GFRA2: variants seen among roughly 807,000 people sequenced by gnomAD.
GFRA2 encodes the protein GDNF family receptor alpha-2.
GFRA2 carries 17 observed loss-of-function variants against 48.3 expected under a neutral mutation model. That is an observed-to-expected ratio of 0.35 (90% CI 0.24 to 0.53). The LOEUF (loss-of-function observed/expected upper bound fraction) is 0.53. Among genes scored for constraint, GFRA2 ranks in the 20% least tolerant of loss-of-function variants. GFRA2 has a pLI of 0.93. For synonymous variants in GFRA2, 305 were observed against 257.2 expected (o/e 1.19, Z -1.78); for missense variants, 660 against 637.3 (o/e 1.04, Z -0.38).
At chr8:21,767,429 G>C (rs1408130144) in intron 3 of GFRA2, among the ~76,000 whole-genome samples, 1 of 152,230 alleles carries the variant, frequency 6.6e-6, no homozygotes, top group East Asian at 1.9e-4. Context: ...CTCTCCCGCT[G>C]TTCCTCACCG....
At chr8:21,776,780 T>A (rs1350251671) in intron 2 of GFRA2, among the ~76,000 whole-genome samples, 1 of 152,028 alleles carries the variant, frequency 6.6e-6, no homozygotes, top group Non-Finnish European at 1.5e-5. Flanking sequence ...CAAGACGCAT[T>A]ATTTACGGCC....
intron 4 of GFRA2, among the ~76,000 whole-genome samples, chr8:21,707,282 G>A (rs1393276354): frequency 2.0e-5 from 3 of 152,264 alleles, no homozygotes; most frequent in East Asian, 1.9e-4. Context: ...AGCCATCTCC[G>A]AGTTCACCAC....
chr8:21,754,877 AG>A (rs1805493496), intron 3 of GFRA2, among the ~76,000 whole-genome samples: 1 of 152,146 alleles, frequency 6.6e-6, no homozygotes, highest in Non-Finnish European at 1.5e-5. Flanking sequence ...AAAAGAGGGG[AG>A]GGTACATCCA....
chr8:21,765,106 ATTTT>A (rs1468857307), intron 3 of GFRA2, among the ~76,000 whole-genome samples: 1 of 145,240 alleles, frequency 6.9e-6, no homozygotes, highest in Non-Finnish European at 1.5e-5. Context: ...CTTTCTTTTT[ATTTT>A]TTATTTATTT....
At chr8:21,779,413 GC>G (rs74506754) in intron 2 of GFRA2, 7,323 of 152,054 alleles carry the variant, frequency 0.048, 272 homozygotes, top group African/African-American at 0.095. Flanking sequence ...AGGCCCAAGT[GC>G]CCCCCCGGCT....
At chr8:21,724,091 A>G (rs1329274472) in intron 4 of GFRA2, among the ~76,000 whole-genome samples, 1 of 152,154 alleles carries the variant, frequency 6.6e-6, no homozygotes, top group Non-Finnish European at 1.5e-5. Context: ...AGAGCCACAG[A>G]ATCTGCAGGG....
chr8:21,788,713 G>A lies in GFRA2; in HGVS notation c.-554C>T, dbSNP rs1807411216. 9 of 984,098 alleles carry A rather than the reference G, an allele frequency of 9.1e-6. No homozygotes were observed. Among genetic ancestry groups the A allele is most frequent in the African/African-American group, 8.7e-5 (5 of 57,328 alleles). The allele number at this position is 984,098 out of a possible 1,614,324, so 61.0% of individuals were successfully genotyped here. A position where few individuals can be genotyped will look rare whatever the true frequency, so the allele number is the denominator to read the frequency against. On this transcript the variant is annotated 5_prime_UTR_variant, in exon 1 of 9. Transcript: ENST00000524240. ...GTCGCTTCTTTCGCACCAAGACGAA[G>A]ACAAGATTCAAAAAAATCTTCTCCC...
At chr8:21,787,260 CG>C (rs1392852698) in intron 1 of GFRA2, among the ~76,000 whole-genome samples, 1 of 61,308 alleles carries the variant, frequency 1.6e-5, no homozygotes, top group Admixed American at 1.9e-4. Flanking sequence ...GTCTTGGAGG[CG>C]GCGGGGGGGG....
At chr8:21,748,604 G>C (rs967014914) in intron 4 of GFRA2, among the ~76,000 whole-genome samples, 2 of 152,154 alleles carry the variant, frequency 1.3e-5, no homozygotes, top group East Asian at 1.9e-4. Context: ...GCTGGAATCC[G>C]ACTCTGAAAT....
chr8:21,747,825 C>T (rs1182253379), intron 4 of GFRA2, among the ~76,000 whole-genome samples: 1 of 151,936 alleles, frequency 6.6e-6, no homozygotes, highest in Non-Finnish European at 1.5e-5. Context: ...TAAACATGCA[C>T]ATGCACACAG....
intron 1 of GFRA2, 93 bp from the exon 2 acceptor site, chr8:21,782,992 C>T (rs1036809041): frequency 3.7e-5 from 46 of 1,228,718 alleles, no homozygotes; most frequent in Admixed American, 1.8e-4. Context: ...CTGCTGGGAA[C>T]GTCACACCCA....
intron 7 of GFRA2, among the ~76,000 whole-genome samples, chr8:21,695,648 G>A (rs1802127572): frequency 1.3e-5 from 2 of 152,134 alleles, no homozygotes; most frequent in African/African-American, 4.8e-5. Flanking sequence ...GCCCTCTGCA[G>A]AAGGGCACGT....
rs377524016 is a variant in GFRA2, at chr8:21,706,029, G to T, written c.807C>A (p.Ala269=). The part of the protein sequence containing the change: ...RTDHLCRSRL[A]DFHANCRASY... Reference sequence around the variant, plus strand: ...AGGCTCGACAATTGGCATGGAAGTCGGCCAGCCGGGACCTGGTGGTGGGTA... The same window carrying T: ...AGGCTCGACAATTGGCATGGAAGTCTGCCAGCCGGGACCTGGTGGTGGGTA... Residue 269 remains alanine, a synonymous_variant, in exon 5 of 9, where the codon GCC becomes GCA. Coordinates refer to ENST00000524240, the MANE Select transcript of GFRA2 (RefSeq NM_001495.5). 2 of 1,567,828 alleles carry T rather than the reference G, an allele frequency of 1.3e-6. No homozygotes were observed. Among genetic ancestry groups the T allele is most frequent in the Admixed American group, 3.7e-5 (2 of 53,372 alleles).
intron 1 of GFRA2, among the ~76,000 whole-genome samples, chr8:21,783,467 G>A (rs1400253660): frequency 2.0e-5 from 3 of 152,150 alleles, no homozygotes; most frequent in African/African-American, 7.2e-5. Context: ...GAGGCCCAAA[G>A]AAGGGTGATG....
At chr8:21,733,185 G>T (rs1467290387) in intron 4 of GFRA2, among the ~76,000 whole-genome samples, 1 of 152,106 alleles carries the variant, frequency 6.6e-6, no homozygotes, top group Non-Finnish European at 1.5e-5. Flanking sequence ...GCCACCCCCT[G>T]AAATGTTCCG....
chr8:21,697,126 AAGG>A, intron 7 of GFRA2, among the ~76,000 whole-genome samples: 1 of 101,122 alleles, frequency 9.9e-6, no homozygotes, highest in Non-Finnish European at 2.1e-5. Flanking sequence ...GAGGGGAGAG[AAGG>A]GGGAGGGGAC....
chr8:21,762,608 A>T (rs967405899), intron 3 of GFRA2, among the ~76,000 whole-genome samples: 3 of 152,236 alleles, frequency 2.0e-5, no homozygotes, highest in Non-Finnish European at 4.4e-5. Flanking sequence ...TTTGAAATAA[A>T]ATCAATTTGG....
intron 3 of GFRA2, among the ~76,000 whole-genome samples, chr8:21,751,733 G>A (rs760808850): frequency 4.6e-5 from 7 of 152,178 alleles, no homozygotes; most frequent in Non-Finnish European, 7.4e-5. Context: ...TCCCTCTCAC[G>A]TGGGCCAGGT....
At chr8:21,752,076 G>C (rs950551941) in intron 3 of GFRA2, among the ~76,000 whole-genome samples, 2 of 152,098 alleles carry the variant, frequency 1.3e-5, no homozygotes, top group Non-Finnish European at 2.9e-5. Flanking sequence ...TAGGGCCTTT[G>C]TAAGCATGAA....
Sources: gnomAD v4.1 joint callset for allele counts (sites outside exome capture counted in the v4.1 genomes callset) on GRCh38, gnomAD v4.1.1 for gene constraint, MANE v1.5 for transcripts, NCBI Gene and HGNC (gene_info 2026-07-23, HGNC 2026-07-21) for gene names.